Variants in GPC6 observed in about 807,000 individuals in gnomAD.
The protein encoded by GPC6 is glypican-6.
Under a neutral mutation model 55.2 loss-of-function variants are expected in GPC6, and 14 were observed. The observed-to-expected ratio is 0.25, with a 90% confidence interval of 0.17 to 0.40. GPC6 has a LOEUF of 0.40. GPC6 is among the 10% of genes least tolerant of loss of function. GPC6 has a pLI of 1.00. For missense variants in GPC6, 641 were observed against 708.5 expected (o/e 0.90, Z 1.08); for synonymous variants, 278 against 259.6 (o/e 1.07, Z -0.68).
At chr13:94,357,771 A>G (rs1421837689) in intron 6 of GPC6, among the ~76,000 whole-genome samples, 1 of 152,162 alleles carries the variant, frequency 6.6e-6, no homozygotes, top group Admixed American at 6.5e-5. Context: ...GCTCTTGAAA[A>G]TACATACTCT....
intron 4 of GPC6, among the ~76,000 whole-genome samples, chr13:94,195,743 C>G (rs777071821): frequency 1.3e-5 from 2 of 152,200 alleles, no homozygotes; most frequent in Non-Finnish European, 2.9e-5. Context: ...GCCTCTAATG[C>G]ATCAGCCACC....
intron 1 of GPC6, among the ~76,000 whole-genome samples, chr13:93,310,847 A>C (rs1566292412): frequency 6.6e-6 from 1 of 152,204 alleles, no homozygotes; most frequent in Non-Finnish European, 1.5e-5. Context: ...ATTGCATCAT[A>C]TCTGTCTTCT....
At chr13:93,329,191 C>T (rs1428525815) in intron 1 of GPC6, among the ~76,000 whole-genome samples, 2 of 152,144 alleles carry the variant, frequency 1.3e-5, no homozygotes, top group African/African-American at 4.8e-5. Context: ...GAAACTCAGG[C>T]ACTCAGATTC....
chr13:93,853,424 G>A (rs971966560), intron 3 of GPC6, among the ~76,000 whole-genome samples: 1 of 151,654 alleles, frequency 6.6e-6, no homozygotes, highest in Non-Finnish European at 1.5e-5. Flanking sequence ...AGGTTAAAGT[G>A]TAGAACTGAG....
chr13:93,612,077 C>T (rs371048565), intron 2 of GPC6, among the ~76,000 whole-genome samples: 54 of 152,262 alleles, frequency 3.5e-4, no homozygotes, highest in African/African-American at 1.3e-3. Context: ...GTCATGTTTC[C>T]AACCACGTTT....
intron 1 of GPC6, among the ~76,000 whole-genome samples, chr13:93,448,542 A>G (rs78026494): frequency 1.8e-3 from 275 of 152,314 alleles, no homozygotes; most frequent in African/African-American, 6.2e-3. Context: ...ATATTTTTCC[A>G]TATGAAAATC....
chr13:94,348,726 G>A (rs1338090939), intron 6 of GPC6, among the ~76,000 whole-genome samples: 2 of 152,120 alleles, frequency 1.3e-5, no homozygotes, highest in East Asian at 1.9e-4. Context: ...ACCACCCTCT[G>A]ACACTGCTAA....
At chr13:93,843,761 G>A (rs1464124733) in intron 3 of GPC6, among the ~76,000 whole-genome samples, 1 of 152,042 alleles carries the variant, frequency 6.6e-6, no homozygotes, top group African/African-American at 2.4e-5. Flanking sequence ...TTTTGCCTTA[G>A]CATCCATGTT....
intron 3 of GPC6, among the ~76,000 whole-genome samples, chr13:93,892,351 C>A (rs147650108): frequency 1.1e-4 from 17 of 152,276 alleles, no homozygotes; most frequent in African/African-American, 3.8e-4. Flanking sequence ...GAAAATCAGA[C>A]TGCTATGTTC....
At chr13:93,322,267 T>A (rs2139124049) in intron 1 of GPC6, among the ~76,000 whole-genome samples, 1 of 152,186 alleles carries the variant, frequency 6.6e-6, no homozygotes, top group Non-Finnish European at 1.5e-5. Context: ...CTAGTACCCA[T>A]TAGTTATTTT....
At chr13:94,040,217 A>G (rs534959859) in intron 4 of GPC6, among the ~76,000 whole-genome samples, 21 of 151,910 alleles carry the variant, frequency 1.4e-4, no homozygotes, top group African/African-American at 4.8e-4. Context: ...AACCTTCCCC[A>G]AAAGGCATTC....
intron 3 of GPC6, among the ~76,000 whole-genome samples, chr13:93,926,709 A>C (rs1877874962): frequency 6.6e-6 from 1 of 152,188 alleles, no homozygotes; most frequent in Admixed American, 6.5e-5. Context: ...AAATGTAATG[A>C]TCTGACTCAT....
At chr13:93,878,594 T>C (rs1366007586) in intron 3 of GPC6, among the ~76,000 whole-genome samples, 1 of 152,078 alleles carries the variant, frequency 6.6e-6, no homozygotes, top group African/African-American at 2.4e-5. Context: ...GCCAGGCTGG[T>C]CTCAAACTCC....
Position 94,192,925 on chromosome 13 carries a change from T to C in GPC6, c.878-93424T>C, listed in dbSNP as rs534428657. 7.9e-5 allele frequency among the ~76,000 whole-genome samples: 12 copies of C among 152,162 alleles called. No individual in the cohort carries two copies. The South Asian group carries it at 2.3e-3, about 29-fold the overall frequency. ...GCTGAAACCTGTGTTTATAGACACA[T>C]GATGGTTTAATGTGAGGTGACCCAG... On this transcript the variant is annotated intron_variant, in intron 4 of 8. Coordinates refer to ENST00000377047, the MANE Select transcript of GPC6 (RefSeq NM_005708.5).
chr13:93,915,666 C>G (rs1314937820), intron 3 of GPC6, among the ~76,000 whole-genome samples: 3 of 152,050 alleles, frequency 2.0e-5, no homozygotes, highest in Non-Finnish European at 4.4e-5. Context: ...TATCATGAAC[C>G]CTATTGCTCA....
chr13:94,357,144 C>T (rs577598477), intron 6 of GPC6, among the ~76,000 whole-genome samples: 1 of 152,198 alleles, frequency 6.6e-6, no homozygotes, highest in Non-Finnish European at 1.5e-5. Context: ...TACTAAACTG[C>T]TCACAGTAGA....
At chr13:93,572,621 A>G (rs1329410734) in intron 2 of GPC6, among the ~76,000 whole-genome samples, 1 of 152,200 alleles carries the variant, frequency 6.6e-6, no homozygotes, top group Admixed American at 6.6e-5. Flanking sequence ...AACTTATATT[A>G]TTCCATAGAA....
chr13:93,880,459 G>T (rs183548315), intron 3 of GPC6, among the ~76,000 whole-genome samples: 3 of 152,098 alleles, frequency 2.0e-5, no homozygotes, highest in South Asian at 4.2e-4. Context: ...GCAAACTATC[G>T]CAAGAACAAA....
chr13:93,948,570 G>T (rs1279928239), intron 3 of GPC6, among the ~76,000 whole-genome samples: 1 of 152,160 alleles, frequency 6.6e-6, no homozygotes, highest in Non-Finnish European at 1.5e-5. Context: ...CTGATACAAA[G>T]TATGTTTTAT....
Sources: gnomAD v4.1 joint callset for allele counts (sites outside exome capture counted in the v4.1 genomes callset) on GRCh38, gnomAD v4.1.1 for gene constraint, MANE v1.5 for transcripts, NCBI Gene and HGNC (gene_info 2026-07-23, HGNC 2026-07-21) for gene names.